STMN2: variants seen among roughly 807,000 people sequenced by gnomAD.
STMN2 encodes the protein stathmin 2.
A neutral mutation model predicts 24.1 loss-of-function variants in STMN2; 2 were observed. The observed-to-expected ratio is 0.08, with a 90% CI of 0.03 to 0.26. The LOEUF (loss-of-function observed/expected upper bound fraction) is 0.26, where lower values mean the gene tolerates loss of function less well. STMN2 is among the 10% of genes least tolerant of loss of function. STMN2 has a pLI of 1.00. For missense variants in STMN2, 114 were observed against 213.6 expected, an observed-to-expected ratio of 0.53 and a Z score of 2.91; for synonymous variants, 83 against 77.5, an observed-to-expected ratio of 1.07 and a Z score of -0.37.
At chr8:79,654,173 T>C (rs1263613251) in intron 3 of STMN2, among the ~76,000 whole-genome samples, 1 of 152,162 alleles carries the variant, frequency 6.6e-6, no homozygotes, top group Non-Finnish European at 1.5e-5. Context: ...CTCCTGATGC[T>C]GGAAGAAAAT....
Position 79,666,054 on chromosome 8 carries a change from T to A in STMN2, c.*1180T>A, listed in dbSNP as rs942829098. On this transcript the variant is annotated 3_prime_UTR_variant, in exon 5 of 5. Transcript: ENST00000220876. ...AAGTCGTTTCTCCCCAACTCCCAAC[T>A]CCTGAAGGTTGCTGCCTGCATATTT... is the stretch of plus-strand genomic sequence containing the variant. 6.6e-6 allele frequency: 1 copy of A among 152,174 alleles called. No homozygotes were observed. The highest frequency in any genetic ancestry group is 1.9e-4 in the East Asian group (1 of 5,202). 9.4% of individuals were successfully genotyped at this position (152,174 alleles called of 1,614,324 possible). A position where few individuals can be genotyped will look rare whatever the true frequency, so the allele number is the denominator to read the frequency against.
At chr8:79,639,969 A>G (rs1810056013) in intron 2 of STMN2, among the ~76,000 whole-genome samples, 1 of 152,356 alleles carries the variant, frequency 6.6e-6, no homozygotes. Flanking sequence ...TGGGAGGCCA[A>G]GGCTGGCAGA....
At chr8:79,659,462 T>G (rs183424779) in intron 4 of STMN2, among the ~76,000 whole-genome samples, 32 of 152,236 alleles carry the variant, frequency 2.1e-4, no homozygotes, top group Middle Eastern at 3.4e-3. Flanking sequence ...GACATTTTCT[T>G]CCTCCCCTGA....
At chr8:79,658,424 T>C (rs1806424931) in intron 4 of STMN2, among the ~76,000 whole-genome samples, 1 of 152,218 alleles carries the variant, frequency 6.6e-6, no homozygotes, top group South Asian at 2.1e-4. Flanking sequence ...GTAATATCAT[T>C]ACCAACCATG....
intron 1 of STMN2, among the ~76,000 whole-genome samples, chr8:79,630,201 C>T (rs996128656): frequency 3.9e-5 from 6 of 152,164 alleles, no homozygotes; most frequent in African/African-American, 1.4e-4. Context: ...TTCTCAGTCT[C>T]CAAACTTCTG....
chr8:79,628,655 A>T (rs1809722457), intron 1 of STMN2, among the ~76,000 whole-genome samples: 1 of 152,228 alleles, frequency 6.6e-6, no homozygotes, highest in South Asian at 2.1e-4. Context: ...CCTGATGATT[A>T]GTGATCTTGT....
intron 1 of STMN2, among the ~76,000 whole-genome samples, chr8:79,612,765 C>T (rs1157109037): frequency 6.6e-6 from 1 of 152,222 alleles, no homozygotes; most frequent in Non-Finnish European, 1.5e-5. Flanking sequence ...TCCATCTGCG[C>T]GGCTCCGCCC....
At chr8:79,626,023 ATAAG>A (rs1180301005) in intron 1 of STMN2, among the ~76,000 whole-genome samples, 2 of 73,450 alleles carry the variant, frequency 2.7e-5, no homozygotes, top group African/African-American at 8.0e-5. Flanking sequence ...ATGCTTATTA[ATAAG>A]CAATGTCTTG....
chr8:79,645,440 AGGCAGC>A (rs1810197586), intron 3 of STMN2, among the ~76,000 whole-genome samples: 1 of 152,326 alleles, frequency 6.6e-6, no homozygotes, highest in Non-Finnish European at 1.5e-5. Context: ...TAGTAGCCAA[AGGCAGC>A]CAGTAGCACA....
At chr8:79,657,484 T>C (rs1227162246) in intron 4 of STMN2, among the ~76,000 whole-genome samples, 1 of 152,208 alleles carries the variant, frequency 6.6e-6, no homozygotes, top group East Asian at 1.9e-4. Context: ...CCAGCATCCA[T>C]ACATTTTAAA....
chr8:79,623,750 A>G (rs1380487864), intron 1 of STMN2, among the ~76,000 whole-genome samples: 1 of 152,198 alleles, frequency 6.6e-6, no homozygotes, highest in Non-Finnish European at 1.5e-5. Context: ...AGGTCATAAT[A>G]TATTGCACTA....
intron 3 of STMN2, among the ~76,000 whole-genome samples, chr8:79,650,024 C>T (rs2979715): frequency 0.77 from 116,887 of 152,096 alleles, 45,221 homozygotes; most frequent in Middle Eastern, 0.84. Context: ...TCACCAATAA[C>T]GTGCCTCAGT....
At chr8:79,617,026 TTA>T in intron 1 of STMN2, among the ~76,000 whole-genome samples, 1 of 152,260 alleles carries the variant, frequency 6.6e-6, no homozygotes, top group Non-Finnish European at 1.5e-5. Context: ...ACTGAAGAAA[TTA>T]AAACAAAAGA....
In STMN2 at chr8:79,621,011, C is replaced by T. The variant is rs150636194; in HGVS notation, c.19+9797C>T. ...GCAGGCCAGGACAGCATGTGAGTTACGTCCTCTGTGGAGCTCTGCAACAAG... is the reference window on the plus strand; with the variant it reads ...GCAGGCCAGGACAGCATGTGAGTTATGTCCTCTGTGGAGCTCTGCAACAAG... On this transcript the variant is annotated intron_variant, in intron 1 of 4. Coordinates refer to ENST00000220876, the MANE Select transcript of STMN2 (RefSeq NM_007029.4). The T allele has an allele frequency of 5.7e-4, 562 of 985,244 alleles. 2 individuals carry two copies. The African/African-American group carries it at 6.1e-3, about 11-fold the overall frequency. 61.0% of individuals were successfully genotyped at this position (985,244 alleles called of 1,614,324 possible). A position where few individuals can be genotyped will look rare whatever the true frequency, so the allele number is the denominator to read the frequency against.
At chr8:79,663,153 G>C (rs1806534817) in intron 4 of STMN2, among the ~76,000 whole-genome samples, 1 of 152,040 alleles carries the variant, frequency 6.6e-6, no homozygotes, top group Non-Finnish European at 1.5e-5. Flanking sequence ...CTGTATCTTT[G>C]AAGGAAGTAT....
chr8:79,655,420 A>G (rs1469024857), intron 4 of STMN2, among the ~76,000 whole-genome samples: 5 of 152,190 alleles, frequency 3.3e-5, no homozygotes, highest in Non-Finnish European at 7.4e-5. Flanking sequence ...TATTGATATA[A>G]GTATAAATAA....
chr8:79,650,830 G>A (rs553412276), intron 3 of STMN2, among the ~76,000 whole-genome samples: 1 of 152,222 alleles, frequency 6.6e-6, no homozygotes, highest in East Asian at 1.9e-4. Flanking sequence ...TCCCAGCTGT[G>A]CAGGAGGCTG....
intron 3 of STMN2, among the ~76,000 whole-genome samples, chr8:79,651,240 G>T (rs572872809): frequency 6.6e-6 from 1 of 152,136 alleles, no homozygotes; most frequent in East Asian, 1.9e-4. Flanking sequence ...GCAGACTCAC[G>T]TGACCACACT....
At chr8:79,641,624 GCACGCACACA>G (rs1810097728) in intron 3 of STMN2, 74 bp downstream of exon 3, 18 of 476,260 alleles carry the variant, frequency 3.8e-5, no homozygotes, top group East Asian at 1.6e-4. Flanking sequence ...GGGCACACAT[GCACGCACACA>G]CACACACACA....
Sources: allele counts gnomAD v4.1 joint callset (sites outside exome capture counted in the v4.1 genomes callset), GRCh38; gene constraint gnomAD v4.1.1; transcripts MANE v1.5; gene names NCBI Gene and HGNC (gene_info 2026-07-23, HGNC 2026-07-21).